GRIK2: variants seen among roughly 807,000 people sequenced by gnomAD.
The protein encoded by GRIK2 is glutamate ionotropic receptor kainate type subunit 2.
A neutral mutation model predicts 100.3 loss-of-function variants in GRIK2; 32 were observed. The ratio of observed to expected loss-of-function variants is 0.32; its 90% CI spans 0.24 to 0.43. GRIK2 has a LOEUF of 0.43. Among genes scored for constraint, GRIK2 ranks in the 20% least tolerant of loss-of-function variants. The pLI is 1.00. For synonymous variants in GRIK2, 417 were observed against 389.4 expected, an observed-to-expected ratio of 1.07 and a Z score of -0.83; for missense variants, 843 against 1,114.9, an observed-to-expected ratio of 0.76 and a Z score of 3.47.
At chr6:101,706,154 A>G (rs1773282818) in intron 7 of GRIK2, among the ~76,000 whole-genome samples, 1 of 151,874 alleles carries the variant, frequency 6.6e-6, no homozygotes, top group South Asian at 2.1e-4. Flanking sequence ...CAGATTTATC[A>G]TGTTTTGTTT....
chr6:102,016,717 T>C (rs998446098), intron 14 of GRIK2, among the ~76,000 whole-genome samples: 4 of 152,038 alleles, frequency 2.6e-5, no homozygotes, highest in Non-Finnish European at 5.9e-5. Flanking sequence ...ATATGATCCA[T>C]GAGAACTTCC....
intron 14 of GRIK2, among the ~76,000 whole-genome samples, chr6:101,981,545 G>T (rs1474750631): frequency 2.6e-5 from 4 of 151,870 alleles, no homozygotes; most frequent in South Asian, 2.1e-4. Flanking sequence ...TTACAATTTA[G>T]TAAAGGTTTC....
In GRIK2 at chr6:101,677,392, A is replaced by G. The variant is rs1051041255; in HGVS notation, c.723+588A>G. Among the ~76,000 whole-genome samples, 10 of 152,236 alleles carry G rather than the reference A, an allele frequency of 6.6e-5. 1 individual carries two copies. Among genetic ancestry groups the G allele is most frequent in the Admixed American group, 6.5e-4 (10 of 15,282 alleles). Reference sequence around the variant, plus strand: ...GTTAACAAGTATTCATTCCAGAATAAAGCATTGCCTGACAAAAACCAACCA... The same window carrying G: ...GTTAACAAGTATTCATTCCAGAATAGAGCATTGCCTGACAAAAACCAACCA... On this transcript the variant is annotated intron_variant, in intron 5 of 16. Transcript: ENST00000369134.
intron 2 of GRIK2, among the ~76,000 whole-genome samples, chr6:101,494,980 T>TATATATATATATATAC (rs1773354039): frequency 7.0e-6 from 1 of 142,406 alleles, no homozygotes; most frequent in South Asian, 2.2e-4. Context: ...TTTATATATA[T>TATATATATATATATAC]ATATATATAT....
intron 2 of GRIK2, among the ~76,000 whole-genome samples, chr6:101,422,681 AAAG>A (rs1388807399): frequency 1.7e-4 from 26 of 152,238 alleles, no homozygotes; most frequent in African/African-American, 3.6e-4. Context: ...TTAAAAAAAA[AAAG>A]AAGAAGAAAC....
At chr6:101,521,426 A>T (rs989615861) in intron 2 of GRIK2, among the ~76,000 whole-genome samples, 7 of 151,936 alleles carry the variant, frequency 4.6e-5, no homozygotes, top group Non-Finnish European at 1.0e-4. Flanking sequence ...TTGTTTCAGA[A>T]ATTAACCATT....
At chr6:101,757,750 G>C (rs1299536135) in intron 7 of GRIK2, among the ~76,000 whole-genome samples, 1 of 152,070 alleles carries the variant, frequency 6.6e-6, no homozygotes, top group Non-Finnish European at 1.5e-5. Flanking sequence ...ATCCTTCCAG[G>C]TACAGTTTGA....
intron 7 of GRIK2, among the ~76,000 whole-genome samples, chr6:101,764,873 C>T (rs534847234): frequency 1.2e-4 from 19 of 152,036 alleles, no homozygotes; most frequent in South Asian, 4.1e-4. Flanking sequence ...ATAAAATCTA[C>T]GCTCCTAGCC....
chr6:102,052,072 G>C (rs550934763), intron 15 of GRIK2, among the ~76,000 whole-genome samples: 2 of 152,110 alleles, frequency 1.3e-5, no homozygotes, highest in Non-Finnish European at 2.9e-5. Context: ...AGGGAGAATG[G>C]AAGATTCTTT....
At chr6:101,948,967 G>A (rs753031751) in intron 14 of GRIK2, among the ~76,000 whole-genome samples, 15 of 152,054 alleles carry the variant, frequency 9.9e-5, no homozygotes, top group Non-Finnish European at 1.8e-4. Context: ...TCCTCCAGTC[G>A]TAGCACACCC....
At chr6:101,682,634 C>G (rs1771361905) in intron 6 of GRIK2, 28 bp downstream of exon 6, 1 of 930,750 alleles carries the variant, frequency 1.1e-6, no homozygotes. Flanking sequence ...ACAAAATGTT[C>G]TGAATTTTAT....
chr6:101,414,110 A>G (rs948216601), intron 2 of GRIK2, among the ~76,000 whole-genome samples: 1 of 152,246 alleles, frequency 6.6e-6, no homozygotes, highest in Non-Finnish European at 1.5e-5. Flanking sequence ...AAACAGTGTG[A>G]CAAGTGCACA....
At chr6:101,777,534 A>G (rs1332883828) in intron 7 of GRIK2, among the ~76,000 whole-genome samples, 2 of 152,210 alleles carry the variant, frequency 1.3e-5, no homozygotes, top group African/African-American at 4.8e-5. Flanking sequence ...CAAGCAAGAA[A>G]ATCTTTAGAT....
intron 2 of GRIK2, among the ~76,000 whole-genome samples, chr6:101,570,386 T>C (rs1178836455): frequency 6.6e-6 from 1 of 152,034 alleles, no homozygotes; most frequent in Non-Finnish European, 1.5e-5. Flanking sequence ...GTGTGAAAAC[T>C]AGAGAAGGAC....
chr6:102,054,830 C>T (rs576133628), intron 15 of GRIK2, among the ~76,000 whole-genome samples: 1 of 152,168 alleles, frequency 6.6e-6, no homozygotes, highest in African/African-American at 2.4e-5. Context: ...CTAGTGACTG[C>T]CCATTATCTG....
At chr6:101,584,486 C>T (rs1423246143) in intron 2 of GRIK2, among the ~76,000 whole-genome samples, 5 of 151,834 alleles carry the variant, frequency 3.3e-5, no homozygotes, top group Non-Finnish European at 7.4e-5. Flanking sequence ...ATTTCCTTAG[C>T]ATTAGGAGAC....
At chr6:101,558,770 T>C (rs1035015107) in intron 2 of GRIK2, among the ~76,000 whole-genome samples, 3 of 151,898 alleles carry the variant, frequency 2.0e-5, no homozygotes, top group Non-Finnish European at 4.4e-5. Flanking sequence ...CCAAGTGATA[T>C]TGTCTACTTT....
At chr6:101,636,753 T>TG (rs979460295) in intron 4 of GRIK2, among the ~76,000 whole-genome samples, 61 of 151,412 alleles carry the variant, frequency 4.0e-4, no homozygotes, top group African/African-American at 1.1e-3. Context: ...ATTTGCATTT[T>TG]GGGGGGGCGG....
chr6:101,874,016 A>G (rs1411875762), intron 11 of GRIK2, among the ~76,000 whole-genome samples: 6 of 151,996 alleles, frequency 3.9e-5, no homozygotes, highest in African/African-American at 1.2e-4. Flanking sequence ...AGATGAGTAG[A>G]TTGCAAAAAT....
Sources: allele counts gnomAD v4.1 joint callset (sites outside exome capture counted in the v4.1 genomes callset), GRCh38; gene constraint gnomAD v4.1.1; transcripts MANE v1.5; gene names NCBI Gene and HGNC (gene_info 2026-07-23, HGNC 2026-07-21).